RCBTB1: variants seen among roughly 807,000 people sequenced by gnomAD.
RCBTB1 encodes RCC1 and BTB domain containing protein 1.
A neutral mutation model predicts 62.4 loss-of-function variants in RCBTB1; 46 were observed. That is an observed-to-expected ratio of 0.74 (90% CI 0.58 to 0.94). The LOEUF (loss-of-function observed/expected upper bound fraction) is 0.94, where lower values mean the gene tolerates loss of function less well. Ranked by LOEUF, RCBTB1 falls within the 40% of genes least tolerant of loss-of-function variation. The probability of loss-of-function intolerance (pLI) is 0.00; values close to 1 mark genes in which losing one functional copy is unlikely to be tolerated. For missense variants in RCBTB1, 565 were observed against 654.9 expected (o/e 0.86, Z 1.50); for synonymous variants, 222 against 245.8 (o/e 0.90, Z 0.91).
chr13:49,545,012 C>A (rs549266478), intron 9 of RCBTB1, 149 bp from the exon 10 acceptor site: 52 of 560,344 alleles, frequency 9.3e-5, no homozygotes, highest in Non-Finnish European at 1.4e-4. Flanking sequence ...ATCAATTCTA[C>A]GGTATTAAAG....
Position 49,566,618 on chromosome 13 carries a change from CTTCGGTGCTGAGAAGAACATGTGG to C in RCBTB1, c.253_276del (p.Pro85_Glu92del). On this transcript the variant is annotated inframe_deletion and splice_region_variant, in exon 4 of 13. Coordinates refer to ENST00000378302, the MANE Select transcript of RCBTB1 (RefSeq NM_018191.4). ...AAAGTTAGATGGGTTCCCTCCTTAC[CTTCGGTGCTGAGAAGAACATGTGG>C]TCCACTCCCGTAACTGAGGCTTTTA... The C allele has an allele frequency of 6.2e-7, 1 of 1,611,446 alleles. No individual in the cohort carries two copies. The highest frequency in any genetic ancestry group is 8.5e-7 in the Non-Finnish European group (1 of 1,179,282).
intron 9 of RCBTB1, among the ~76,000 whole-genome samples, chr13:49,547,446 T>C (rs1226009455): frequency 2.6e-5 from 4 of 152,192 alleles, no homozygotes; most frequent in African/African-American, 9.7e-5. Flanking sequence ...CAGAGCATCA[T>C]GACCCACTTA....
chr13:49,564,510 C>T (rs1962742575), intron 4 of RCBTB1, among the ~76,000 whole-genome samples: 1 of 145,368 alleles, frequency 6.9e-6, no homozygotes, highest in African/African-American at 2.6e-5. Context: ...CGCTTGAACC[C>T]AGGAGATGGA....
At chr13:49,564,999 G>A (rs1011946498) in intron 4 of RCBTB1, among the ~76,000 whole-genome samples, 9 of 152,020 alleles carry the variant, frequency 5.9e-5, no homozygotes, top group Non-Finnish European at 8.8e-5. Flanking sequence ...CAGCTGTCCC[G>A]CTCCCGCTCC....
At chr13:49,546,713 G>C (rs1960814381) in intron 9 of RCBTB1, among the ~76,000 whole-genome samples, 1 of 152,172 alleles carries the variant, frequency 6.6e-6, no homozygotes, top group South Asian at 2.1e-4. Flanking sequence ...GTTCACAATA[G>C]GGCTTACGCT....
chr13:49,570,549 G>A (rs1963327767), intron 2 of RCBTB1, among the ~76,000 whole-genome samples: 1 of 152,184 alleles, frequency 6.6e-6, no homozygotes, highest in South Asian at 2.1e-4. Context: ...ACAGCTGTTT[G>A]CTGTTTTGAG....
chr13:49,585,208 C>T (rs1320001601), intron 1 of RCBTB1, among the ~76,000 whole-genome samples: 5 of 152,224 alleles, frequency 3.3e-5, no homozygotes, highest in Non-Finnish European at 7.4e-5. Context: ...TCTCCCCATC[C>T]TTCCCTCCTC....
In RCBTB1 at chr13:49,533,928, G is replaced by A. The variant is rs1959730671; in HGVS notation, c.*194C>T. 6.2e-6 allele frequency: 3 copies of A among 483,666 alleles called. No individual in the cohort carries two copies. The highest frequency in any genetic ancestry group is 1.1e-5 in the Non-Finnish European group (3 of 276,680). The allele number at this position is 483,666 out of a possible 1,614,324, so 30.0% of individuals were successfully genotyped here. On this transcript the variant is annotated 3_prime_UTR_variant, in exon 13 of 13. Transcript: ENST00000378302. ...TTAAAATACACTTATCTGGAAACAA[G>A]GGTTGTTTAAAATGGGCTCAAGAAA...
intron 12 of RCBTB1, among the ~76,000 whole-genome samples, chr13:49,534,531 C>T (rs998634518): frequency 3.3e-5 from 5 of 151,968 alleles, no homozygotes; most frequent in Non-Finnish European, 7.4e-5. Flanking sequence ...CACACACACG[C>T]AAGATCTACA....
intron 2 of RCBTB1, among the ~76,000 whole-genome samples, chr13:49,576,515 T>G (rs185464684): frequency 2.2e-4 from 34 of 152,316 alleles, no homozygotes; most frequent in African/African-American, 7.7e-4. Context: ...TAAGTTCAGA[T>G]TAGGGAAATT....
chr13:49,572,530 G>A (rs959081936), intron 2 of RCBTB1, among the ~76,000 whole-genome samples: 5 of 152,036 alleles, frequency 3.3e-5, no homozygotes, highest in African/African-American at 7.3e-5. Flanking sequence ...GGCTGGGCAC[G>A]GTGGCTGACA....
At chr13:49,575,212 T>C (rs1272711083) in intron 2 of RCBTB1, among the ~76,000 whole-genome samples, 1 of 152,162 alleles carries the variant, frequency 6.6e-6, no homozygotes, top group Non-Finnish European at 1.5e-5. Context: ...AGATACTATC[T>C]CACACCAGTC....
chr13:49,574,540 G>T (rs542367503), intron 2 of RCBTB1, among the ~76,000 whole-genome samples: 29 of 152,238 alleles, frequency 1.9e-4, no homozygotes, highest in African/African-American at 6.7e-4. Flanking sequence ...GTTTTAAGAT[G>T]TATTCTTGCT....
Position 49,555,649 on chromosome 13 carries a change from A to G in RCBTB1, c.469T>C (p.Cys157Arg). ...GEVFAWGYNNCGQVGSGSTAN... is the reference protein window; with the variant it reads ...GEVFAWGYNNRGQVGSGSTAN... ...GTAGAACCTGATCCCACTTGGCCAC[A>G]GTTGTTATAACCCCAAGCAAACACC... is the stretch of plus-strand genomic sequence containing the variant. Residue 157 changes from cysteine to arginine, a missense_variant, in exon 6 of 13, where the codon TGT (cysteine) becomes CGT (arginine). Physicochemically the swap from Cys to Arg is radical, Grantham distance 180 (BLOSUM62 -3). Coordinates refer to ENST00000378302, the MANE Select transcript of RCBTB1 (RefSeq NM_018191.4). 3.7e-6 allele frequency: 6 copies of G among 1,606,520 alleles called. No individual in the cohort carries two copies. The highest frequency in any genetic ancestry group is 5.1e-6 in the Non-Finnish European group (6 of 1,176,146).
At chr13:49,550,306 C>T (rs560646440) in intron 8 of RCBTB1, 23 of 299,370 alleles carry the variant, frequency 7.7e-5, no homozygotes, top group Non-Finnish European at 3.5e-5. Flanking sequence ...AACTTTTTCT[C>T]TCATCTCCTA....
rs369966770 is a variant in RCBTB1, at chr13:49,566,569, A to C, written c.277+49T>G. ...CCTATCTCCCCTAAGCTTAGAATTA[A>C]CCGGTCAATTTCTTACAAACTGAAA... On this transcript the variant is annotated intron_variant, in intron 4 of 12. Coordinates refer to ENST00000378302, the MANE Select transcript of RCBTB1 (RefSeq NM_018191.4). The C allele has an allele frequency of 4.8e-5, 75 of 1,574,942 alleles. No individual in the cohort carries two copies. The African/African-American group carries it at 9.0e-4, about 19-fold the overall frequency.
chr13:49,583,389 TG>T (rs397851340), intron 1 of RCBTB1, among the ~76,000 whole-genome samples: 2 of 11,112 alleles, frequency 1.8e-4, no homozygotes, highest in Non-Finnish European at 4.2e-4. Context: ...TTTGTGTATG[TG>T]TGTGTGTGTG....
chr13:49,546,695 C>T (rs187403564), intron 9 of RCBTB1, among the ~76,000 whole-genome samples: 33 of 152,192 alleles, frequency 2.2e-4, no homozygotes, highest in African/African-American at 7.5e-4. Flanking sequence ...GTATCCCTCG[C>T]ATGTGCAGTT....
intron 2 of RCBTB1, among the ~76,000 whole-genome samples, chr13:49,569,771 G>A (rs1361580020): frequency 6.6e-6 from 1 of 151,918 alleles, no homozygotes; most frequent in East Asian, 1.9e-4. Context: ...GCCAGGCATG[G>A]TGGCGCATGC....
Sources: gnomAD v4.1 joint callset for allele counts (sites outside exome capture counted in the v4.1 genomes callset) on GRCh38, gnomAD v4.1.1 for gene constraint, MANE v1.5 for transcripts, NCBI Gene and HGNC (gene_info 2026-07-23, HGNC 2026-07-21) for gene names.